The following DOCK10 variants were observed in gnomAD, a reference collection of about 807,000 sequenced individuals.
The protein encoded by DOCK10 is dedicator of cytokinesis 10, also known as dedicator of cytokinesis protein 10.
A neutral mutation model predicts 280.1 loss-of-function variants in DOCK10; 145 were observed. The ratio of observed to expected loss-of-function variants is 0.52; its 90% CI spans 0.45 to 0.59. The LOEUF is 0.59. Among genes scored for constraint, DOCK10 ranks in the 20% least tolerant of loss-of-function variants. The pLI is 0.00. For synonymous variants in DOCK10, 915 were observed against 942.2 expected, an observed-to-expected ratio of 0.97 and a Z score of 0.53; for missense variants, 2,368 against 2,651.7, an observed-to-expected ratio of 0.89 and a Z score of 2.35.
At chr2:224,886,267 C>G in intron 5 of DOCK10, 82 bp from the exon 6 acceptor site, 1 of 1,569,202 alleles carries the variant, frequency 6.4e-7, no homozygotes, top group South Asian at 1.1e-5. Flanking sequence ...AGAGACTCCT[C>G]TTCCTCTCTT....
At chr2:224,976,590 T>A (rs1355087149) in intron 1 of DOCK10, among the ~76,000 whole-genome samples, 6 of 149,872 alleles carry the variant, frequency 4.0e-5, no homozygotes, top group Non-Finnish European at 7.4e-5. Context: ...TCTCAGACCC[T>A]CAGGTGAACA....
chr2:224,854,854 GCCAACCAACCAA>G (rs72305904), intron 16 of DOCK10, 97 bp downstream of exon 16: 217 of 630,580 alleles, frequency 3.4e-4, no homozygotes, highest in Non-Finnish European at 4.2e-4. Flanking sequence ...CAACCAACTA[GCCAACCAACCAA>G]CCAACCAACC....
In DOCK10 at chr2:224,765,553, T is replaced by A; in HGVS notation, c.*168A>T. 1 of 562,006 alleles carries A rather than the reference T, an allele frequency of 1.8e-6. No individual in the cohort carries two copies. Among genetic ancestry groups the A allele is most frequent in the Non-Finnish European group, 3.2e-6 (1 of 317,058 alleles). The allele number at this position is 562,006 out of a possible 1,614,324, so 34.8% of individuals were successfully genotyped here. On this transcript the variant is annotated 3_prime_UTR_variant, in exon 56 of 56. Transcript: ENST00000258390. ...ACACTGCTCAAAGAAAAAAAAATTA[T>A]ACAAAATGTGCAAATTCAGAGGTTG...
chr2:225,037,497 A>C (rs1690293117), intron 1 of DOCK10, among the ~76,000 whole-genome samples: 1 of 152,202 alleles, frequency 6.6e-6, no homozygotes, highest in Non-Finnish European at 1.5e-5. Context: ...TTTTAGAAGC[A>C]GCTAAAAAAC....
Position 224,819,539 on chromosome 2 carries a change from A to G in DOCK10, c.3184-10T>C. 1 of 1,557,054 alleles carries G rather than the reference A, an allele frequency of 6.4e-7. No homozygotes were observed. The highest frequency in any genetic ancestry group is 2.3e-5 in the East Asian group (1 of 43,820). On this transcript the variant is annotated splice_polypyrimidine_tract_variant and intron_variant, in intron 28 of 55. Coordinates refer to ENST00000258390, the MANE Select transcript of DOCK10 (RefSeq NM_014689.3). ...TAAATGTAAAGCAGCGCTAAAATAG[A>G]TAAAATTCTAAATTTAAACACTTTT...
At chr2:224,898,854 C>G (rs1164155721) in intron 3 of DOCK10, among the ~76,000 whole-genome samples, 1 of 152,206 alleles carries the variant, frequency 6.6e-6, no homozygotes, top group African/African-American at 2.4e-5. Flanking sequence ...GAATTACAGG[C>G]GTGAGCCACC....
Position 224,770,625 on chromosome 2 carries a change from G to A in DOCK10, c.6225C>T (p.Ala2075=), listed in dbSNP as rs746097994. The change falls in exon 54 of 56, where the codon GCC becomes GCT. Residue 2075 remains alanine, a synonymous_variant. Coordinates refer to ENST00000258390, the MANE Select transcript of DOCK10 (RefSeq NM_014689.3). This position sits in a 1 kb window ranked among gnomAD's most constrained non-coding sequence, Gnocchi z 4.5. ...VSVKVNAGPM[A]YARAFLEETN... ...TTTCTTCAAGAAAAGCTCGTGCATAGGCCATTGGCCCAGCATTAACCTGTT... is the reference window on the plus strand; with the variant it reads ...TTTCTTCAAGAAAAGCTCGTGCATAAGCCATTGGCCCAGCATTAACCTGTT... The A allele has an allele frequency of 1.7e-5, 28 of 1,613,606 alleles. No homozygotes were observed. The highest frequency in any genetic ancestry group is 2.3e-5 in the Non-Finnish European group (27 of 1,179,642).
chr2:225,013,366 A>G (rs912743967), intron 1 of DOCK10, among the ~76,000 whole-genome samples: 39 of 152,188 alleles, frequency 2.6e-4, no homozygotes, highest in Non-Finnish European at 7.3e-5. Flanking sequence ...TGGTGCTTGT[A>G]TAGTTAAGTG....
At chr2:224,799,907 A>G (rs1282310267) in intron 41 of DOCK10, among the ~76,000 whole-genome samples, 1 of 152,192 alleles carries the variant, frequency 6.6e-6, no homozygotes, top group African/African-American at 2.4e-5. Context: ...AAGCAAGATA[A>G]ATGAGGAAGA....
intron 1 of DOCK10, among the ~76,000 whole-genome samples, chr2:224,978,071 T>C (rs1332216825): frequency 2.0e-5 from 3 of 152,198 alleles, no homozygotes; most frequent in Non-Finnish European, 4.4e-5. Context: ...CTTAAAAATA[T>C]CAAATAATCA....
intron 1 of DOCK10, among the ~76,000 whole-genome samples, chr2:224,939,099 C>T (rs1401299226): frequency 6.6e-6 from 1 of 152,168 alleles, no homozygotes; most frequent in East Asian, 1.9e-4. Context: ...ACAGATCTCA[C>T]AAGAAATCAA....
chr2:224,953,846 C>T (rs1703895867), intron 1 of DOCK10, among the ~76,000 whole-genome samples: 1 of 152,066 alleles, frequency 6.6e-6, no homozygotes, highest in African/African-American at 2.4e-5. Flanking sequence ...GTGCTGTGCA[C>T]ATGAGTGAGA....
intron 2 of DOCK10, among the ~76,000 whole-genome samples, chr2:224,920,901 C>T (rs946012400): frequency 4.7e-4 from 71 of 150,504 alleles, no homozygotes; most frequent in Non-Finnish European, 8.6e-4. Flanking sequence ...CACAACCACT[C>T]CCTGTTCCAT....
At chr2:224,822,493 G>C (rs1232328168) in intron 28 of DOCK10, among the ~76,000 whole-genome samples, 3 of 152,132 alleles carry the variant, frequency 2.0e-5, no homozygotes, top group African/African-American at 7.2e-5. Context: ...CCAGCACTTA[G>C]GGAGGCCAAT....
At chr2:224,867,702 A>G (rs140547086) in intron 11 of DOCK10, among the ~76,000 whole-genome samples, 1 of 152,366 alleles carries the variant, frequency 6.6e-6, no homozygotes, top group East Asian at 1.9e-4. Context: ...GAGTGGGATC[A>G]GAGTGGAGGA....
Position 225,042,324 on chromosome 2 carries a change from C to T in DOCK10, c.51G>A (p.Gly17=), listed in dbSNP as rs542384666. The part of the protein sequence containing the change: ...RRFTRSLLRP[G]QAAELRHSAA... ...CGCTGTGCCGGAGCTCGGCCGCCTG[C>T]CCAGGTCTCAACAGGCTCCGGGTGA... Residue 17 remains glycine (G), a synonymous_variant, in exon 1 of 56, where the codon GGG becomes GGA. Coordinates refer to ENST00000258390, the MANE Select transcript of DOCK10 (RefSeq NM_014689.3). This position sits in a 1 kb window ranked among gnomAD's most constrained non-coding sequence, Gnocchi z 5.1. 4 of 1,353,854 alleles carry T rather than the reference C, an allele frequency of 3.0e-6. No individual in the cohort carries two copies. Among genetic ancestry groups the T allele is most frequent in the Admixed American group, 3.0e-5 (1 of 33,316 alleles). The allele number at this position is 1,353,854 out of a possible 1,614,324, so 83.9% of individuals were successfully genotyped here. A position where few individuals can be genotyped will look rare whatever the true frequency, so the allele number is the denominator to read the frequency against.
intron 3 of DOCK10, among the ~76,000 whole-genome samples, chr2:224,909,152 G>A (rs1700852664): frequency 6.6e-6 from 1 of 152,118 alleles, no homozygotes; most frequent in Non-Finnish European, 1.5e-5. Flanking sequence ...TGATCCCTTT[G>A]TGTATATTAA....
chr2:224,831,251 T>A (rs929092827), intron 26 of DOCK10, among the ~76,000 whole-genome samples: 3 of 152,164 alleles, frequency 2.0e-5, no homozygotes, highest in African/African-American at 7.2e-5. Flanking sequence ...AACTTTTTAT[T>A]GTACCAAGCT....
intron 55 of DOCK10, among the ~76,000 whole-genome samples, chr2:224,766,812 A>T (rs1237697236): frequency 6.6e-6 from 1 of 152,150 alleles, no homozygotes; most frequent in African/African-American, 2.4e-5. Flanking sequence ...GTTTTTTGCT[A>T]TTTATTATAA....
Sources: allele counts gnomAD v4.1 joint callset (sites outside exome capture counted in the v4.1 genomes callset), GRCh38; gene constraint gnomAD v4.1.1; non-coding constraint Gnocchi (gnomAD v3.1); transcripts MANE v1.5; gene names NCBI Gene and HGNC (gene_info 2026-07-23, HGNC 2026-07-21).